The following ITCH variants were observed in gnomAD, a reference collection of about 807,000 sequenced individuals.
The protein encoded by ITCH is itchy E3 ubiquitin protein ligase, also known as E3 ubiquitin-protein ligase Itchy homolog.
Under a neutral mutation model 126.8 loss-of-function variants are expected in ITCH, and 28 were observed. The ratio of observed to expected loss-of-function variants is 0.22; its 90% CI spans 0.16 to 0.30. The LOEUF (loss-of-function observed/expected upper bound fraction) is 0.30. ITCH is among the 10% of genes least tolerant of loss of function. The pLI is 1.00. For missense variants in ITCH, 631 were observed against 1,032.4 expected (o/e 0.61, Z 5.33); for synonymous variants, 342 against 340.0 (o/e 1.01, Z -0.06).
intron 7 of ITCH, among the ~76,000 whole-genome samples, chr20:34,428,439 G>C (rs1266949120): frequency 6.6e-6 from 1 of 152,062 alleles, no homozygotes; most frequent in Non-Finnish European, 1.5e-5. Context: ...TTATTGATCT[G>C]TTTTCCCCAC....
At chr20:34,390,119 CAAAAAA>C (rs58863322) in intron 2 of ITCH, among the ~76,000 whole-genome samples, 1 of 147,166 alleles carries the variant, frequency 6.8e-6, no homozygotes, top group Non-Finnish European at 1.5e-5. Flanking sequence ...GACTCTGTCT[CAAAAAA>C]AAAAAGAAAA....
chr20:34,407,336 G>A (rs1452817356), intron 3 of ITCH, among the ~76,000 whole-genome samples: 9 of 151,944 alleles, frequency 5.9e-5, no homozygotes, highest in African/African-American at 1.7e-4. Context: ...GCATAATCTC[G>A]GCTCACTGCA....
chr20:34,367,585 G>T (rs961193618), intron 1 of ITCH, among the ~76,000 whole-genome samples: 5 of 152,194 alleles, frequency 3.3e-5, no homozygotes, highest in African/African-American at 1.2e-4. Flanking sequence ...TCTGGTTGTA[G>T]GTGCTCTGAG....
intron 16 of ITCH, chr20:34,476,244 T>G (rs1988205857): frequency 1.2e-6 from 1 of 809,298 alleles, no homozygotes; most frequent in African/African-American, 1.7e-5. Context: ...TTGTTAATGT[T>G]TCACCATCAC....
chr20:34,504,447 T>C, intron 24 of ITCH, 44 bp downstream of exon 24: 1 of 1,277,348 alleles, frequency 7.8e-7, no homozygotes, highest in Non-Finnish European at 1.1e-6. Context: ...TTTTGTCCAG[T>C]TATCTGTAGC....
chr20:34,461,638 G>C (rs1281188182), intron 13 of ITCH, among the ~76,000 whole-genome samples: 3 of 150,802 alleles, frequency 2.0e-5, no homozygotes, highest in Non-Finnish European at 2.9e-5. Context: ...GAACCTGGGA[G>C]GTGGAGGTTG....
intron 6 of ITCH, 58 bp downstream of exon 6, chr20:34,413,937 T>C (rs1044945760): frequency 7.4e-7 from 1 of 1,358,732 alleles, no homozygotes; most frequent in East Asian, 2.3e-5. Flanking sequence ...ATAGCCATTG[T>C]AGTATGCTGT....
At chr20:34,431,917 G>A (rs555341581) in intron 7 of ITCH, among the ~76,000 whole-genome samples, 32 of 151,958 alleles carry the variant, frequency 2.1e-4, no homozygotes, top group African/African-American at 7.0e-4. Context: ...GGTGGCATGC[G>A]CCTGTAATTC....
chr20:34,472,380 A>AG (rs1600430099), intron 16 of ITCH, among the ~76,000 whole-genome samples: 1 of 122,170 alleles, frequency 8.2e-6, no homozygotes, highest in South Asian at 2.7e-4. Flanking sequence ...TTTAAAAAAA[A>AG]AAAAAAAAAA....
chr20:34,497,966 G>A (rs1302305797), intron 23 of ITCH, among the ~76,000 whole-genome samples: 1 of 152,210 alleles, frequency 6.6e-6, no homozygotes, highest in East Asian at 1.9e-4. Flanking sequence ...TTCAACCCAT[G>A]AACATGGGAT....
At chr20:34,377,251 G>C (rs2037881993) in intron 2 of ITCH, among the ~76,000 whole-genome samples, 1 of 152,156 alleles carries the variant, frequency 6.6e-6, no homozygotes, top group Non-Finnish European at 1.5e-5. Flanking sequence ...TTACACTCCT[G>C]TAGTCCTAGC....
At chr20:34,506,312 C>T (rs1283291625) in intron 24 of ITCH, among the ~76,000 whole-genome samples, 1 of 152,206 alleles carries the variant, frequency 6.6e-6, no homozygotes, top group Admixed American at 6.5e-5. Flanking sequence ...AATACTCCTG[C>T]TTTGACCTCC....
Position 34,393,799 on chromosome 20 carries a change from A to C in ITCH, c.-13A>C. ...TCCTTTGCCATGTTCAGGTTTTCCA[A>C]CCTATTGGTGGTATGTCTGACAGTG... is the stretch of plus-strand genomic sequence containing the variant. On this transcript the variant is annotated 5_prime_UTR_variant, in exon 3 of 25. Coordinates refer to ENST00000374864, the MANE Select transcript of ITCH (RefSeq NM_031483.7). The C allele has an allele frequency of 6.2e-7, 1 of 1,609,210 alleles. No individual in the cohort carries two copies. Among genetic ancestry groups the C allele is most frequent in the Non-Finnish European group, 8.5e-7 (1 of 1,175,584 alleles).
intron 24 of ITCH, among the ~76,000 whole-genome samples, chr20:34,505,028 G>T (rs1034002002): frequency 2.6e-5 from 4 of 151,744 alleles, no homozygotes; most frequent in Non-Finnish European, 5.9e-5. Context: ...GTTCAGTGGG[G>T]TTTTTTTGTT....
At chr20:34,402,983 A>G (rs1311536302) in intron 3 of ITCH, among the ~76,000 whole-genome samples, 3 of 152,134 alleles carry the variant, frequency 2.0e-5, no homozygotes, top group African/African-American at 7.2e-5. Context: ...CTGATTGTTC[A>G]GGGACCAAAA....
chr20:34,412,347 A>G (rs1175158611), intron 4 of ITCH, among the ~76,000 whole-genome samples, 168 bp from the exon 5 acceptor site: 6 of 152,244 alleles, frequency 3.9e-5, no homozygotes, highest in Non-Finnish European at 8.8e-5. Context: ...TGTAGCATTC[A>G]GATAATTTTC....
intron 6 of ITCH, among the ~76,000 whole-genome samples, chr20:34,416,398 CAAAA>C (rs893897791): frequency 3.3e-5 from 5 of 152,024 alleles, no homozygotes; most frequent in Non-Finnish European, 5.9e-5. Context: ...AACTGGGTCT[CAAAA>C]GAAAGAAAAG....
chr20:34,489,103 T>C (rs1989337149), intron 20 of ITCH, among the ~76,000 whole-genome samples, 163 bp from the exon 21 acceptor site: 1 of 152,352 alleles, frequency 6.6e-6, no homozygotes, highest in South Asian at 2.1e-4. Context: ...ATGAAATAGA[T>C]GGGCATTGTG....
chr20:34,473,824 C>G (rs924608542), intron 16 of ITCH, among the ~76,000 whole-genome samples: 4 of 152,188 alleles, frequency 2.6e-5, no homozygotes, highest in African/African-American at 9.7e-5. Context: ...CATACACATT[C>G]AGATTTAACT....
Sources: allele counts gnomAD v4.1 joint callset (sites outside exome capture counted in the v4.1 genomes callset), GRCh38; gene constraint gnomAD v4.1.1; transcripts MANE v1.5; gene names NCBI Gene and HGNC (gene_info 2026-07-23, HGNC 2026-07-21).